DPP6: variants seen among roughly 807,000 people sequenced by gnomAD.
DPP6 encodes A-type potassium channel modulatory protein DPP6.
DPP6 carries 69 observed loss-of-function variants against 122.6 expected under a neutral mutation model. The observed-to-expected ratio is 0.56, with a 90% CI of 0.46 to 0.69. The LOEUF is 0.69. Among genes scored for constraint, DPP6 ranks in the 30% least tolerant of loss-of-function variants. The pLI is 0.00. For synonymous variants in DPP6, 418 were observed against 433.1 expected, an observed-to-expected ratio of 0.97 and a Z score of 0.43; for missense variants, 928 against 1,116.9, an observed-to-expected ratio of 0.83 and a Z score of 2.41.
intron 1 of DPP6, among the ~76,000 whole-genome samples, chr7:154,061,936 G>A (rs1235368542): frequency 9.5e-5 from 12 of 126,504 alleles, no homozygotes; most frequent in South Asian, 2.8e-4. Context: ...CCCATCGCAG[G>A]AGGGGGAGGC....
At chr7:154,456,468 G>T (rs1018809153) in intron 2 of DPP6, among the ~76,000 whole-genome samples, 9 of 152,038 alleles carry the variant, frequency 5.9e-5, no homozygotes. Context: ...TTCAGTAAAT[G>T]TATGATCATT....
At chr7:154,281,173 C>T (rs969935416) in intron 1 of DPP6, among the ~76,000 whole-genome samples, 5 of 151,880 alleles carry the variant, frequency 3.3e-5, no homozygotes, top group South Asian at 2.1e-4. Flanking sequence ...CCACCACGGC[C>T]AGCTAATTTT....
At chr7:153,873,135 G>C in the DPP6 span, among the ~76,000 whole-genome samples, 3 of 152,322 alleles carry the variant, frequency 2.0e-5, no homozygotes, top group East Asian at 1.9e-4. Context: ...TGGTGAGGAA[G>C]AACACAAAGC....
chr7:154,538,178 C>T (rs1008509831), intron 3 of DPP6, among the ~76,000 whole-genome samples: 1 of 151,946 alleles, frequency 6.6e-6, no homozygotes, highest in Non-Finnish European at 1.5e-5. Flanking sequence ...CATTGGTTTC[C>T]GTAGAAACAA....
intron 2 of DPP6, among the ~76,000 whole-genome samples, chr7:154,455,913 A>G (rs1008173686): frequency 2.6e-5 from 4 of 152,180 alleles, no homozygotes; most frequent in Non-Finnish European, 4.4e-5. Flanking sequence ...CTTGCCTGCT[A>G]TAGATGAGTG....
At chr7:153,833,043 A>C in the DPP6 span, among the ~76,000 whole-genome samples, 1 of 152,178 alleles carries the variant, frequency 6.6e-6, no homozygotes, top group African/African-American at 2.4e-5. Context: ...TGTATGGAAA[A>C]CTTAGCACTC....
At chr7:154,761,208 T>G (rs1795530633) in intron 8 of DPP6, among the ~76,000 whole-genome samples, 1 of 152,228 alleles carries the variant, frequency 6.6e-6, no homozygotes, top group African/African-American at 2.4e-5. Flanking sequence ...GTCTATAAAC[T>G]GGGCATAGCT....
chr7:154,042,086 A>T (rs1799795059), intron 1 of DPP6, among the ~76,000 whole-genome samples: 1 of 152,132 alleles, frequency 6.6e-6, no homozygotes, highest in African/African-American at 2.4e-5. Context: ...AGGCTACAGC[A>T]GCTTTGAGCA....
chr7:154,409,827 G>T (rs1286488578), intron 1 of DPP6, among the ~76,000 whole-genome samples: 4 of 152,184 alleles, frequency 2.6e-5, no homozygotes, highest in Non-Finnish European at 4.4e-5. Context: ...AACATACCAT[G>T]GTTCTGTAGC....
chr7:153,789,103 A>C, the DPP6 span, among the ~76,000 whole-genome samples: 1 of 152,168 alleles, frequency 6.6e-6, no homozygotes, highest in South Asian at 2.1e-4. Context: ...AGCCTTTCAG[A>C]AATGCTGTAT....
At chr7:154,797,194 G>T (rs1432048173) in intron 12 of DPP6, among the ~76,000 whole-genome samples, 2 of 152,150 alleles carry the variant, frequency 1.3e-5, no homozygotes, top group African/African-American at 2.4e-5. Flanking sequence ...CAATATTTAT[G>T]GATCTTACCA....
In DPP6 at chr7:154,720,109, G is replaced by T. The variant is rs184807864; in HGVS notation, c.763-7658G>T. On this transcript the variant is annotated intron_variant, in intron 7 of 25. Coordinates refer to ENST00000377770, the MANE Select transcript of DPP6 (RefSeq NM_130797.4). ...AGATTGTTGAGGCTTCCTGCTGGAAGGTTGAGAGCTGAGCAGAGGCTTACA... is the reference window on the plus strand; with the variant it reads ...AGATTGTTGAGGCTTCCTGCTGGAATGTTGAGAGCTGAGCAGAGGCTTACA... Among the ~76,000 whole-genome samples, 35 of 152,334 alleles carry T rather than the reference G, an allele frequency of 2.3e-4. No homozygotes were observed. In the East Asian group the frequency reaches 6.8e-3, roughly 29 times the overall value.
chr7:154,212,534 C>T (rs925453618), intron 1 of DPP6, among the ~76,000 whole-genome samples: 2 of 152,108 alleles, frequency 1.3e-5, no homozygotes, highest in Non-Finnish European at 2.9e-5. Flanking sequence ...TCCCTTTAGC[C>T]ATAAATGTAT....
chr7:154,692,151 G>A (rs1285560390), intron 7 of DPP6, among the ~76,000 whole-genome samples: 1 of 152,152 alleles, frequency 6.6e-6, no homozygotes, highest in Non-Finnish European at 1.5e-5. Context: ...TGATGTTGGA[G>A]GAGAAATCTA....
At chr7:154,576,806 G>A (rs1383244031) in intron 5 of DPP6, among the ~76,000 whole-genome samples, 2 of 152,166 alleles carry the variant, frequency 1.3e-5, no homozygotes, top group Non-Finnish European at 2.9e-5. Context: ...GTCCCCTGGG[G>A]CTAGGAATTT....
intron 21 of DPP6, 61 bp downstream of exon 21, chr7:154,881,003 C>T: frequency 6.3e-7 from 1 of 1,589,510 alleles, no homozygotes; most frequent in Non-Finnish European, 8.6e-7. Flanking sequence ...GCACCATTAC[C>T]CACGTCTAAT....
At chr7:154,583,513 G>A (rs902225104) in intron 5 of DPP6, among the ~76,000 whole-genome samples, 11 of 152,146 alleles carry the variant, frequency 7.2e-5, no homozygotes, top group Non-Finnish European at 1.0e-4. Flanking sequence ...CTTCTCTTGC[G>A]CACTCACCCT....
chr7:154,777,840 A>G (rs912982807), intron 10 of DPP6, among the ~76,000 whole-genome samples: 10 of 151,774 alleles, frequency 6.6e-5, no homozygotes, highest in South Asian at 4.2e-4. Flanking sequence ...GTGGGGGCTC[A>G]CTCCTCCACC....
intron 1 of DPP6, among the ~76,000 whole-genome samples, chr7:154,300,615 A>G (rs1198205496): frequency 1.3e-5 from 2 of 152,146 alleles, no homozygotes; most frequent in Non-Finnish European, 2.9e-5. Flanking sequence ...GAGGGGTCTG[A>G]AGAGACACAG....
Sources: gnomAD v4.1 joint callset for allele counts (sites outside exome capture counted in the v4.1 genomes callset) on GRCh38, gnomAD v4.1.1 for gene constraint, MANE v1.5 for transcripts, NCBI Gene and HGNC (gene_info 2026-07-23, HGNC 2026-07-21) for gene names.